The following IGF2BP3 variants were observed in gnomAD, a reference collection of about 807,000 sequenced individuals.
IGF2BP3 encodes the protein insulin-like growth factor 2 mRNA-binding protein 3.
IGF2BP3 carries 9 observed loss-of-function variants against 73.8 expected under a neutral mutation model. That is an observed-to-expected ratio of 0.12 (90% CI 0.07 to 0.21). The LOEUF is 0.21. Among genes scored for constraint, IGF2BP3 ranks in the 10% least tolerant of loss-of-function variants. The pLI is 1.00. For synonymous variants in IGF2BP3, 258 were observed against 256.7 expected (o/e 1.01, Z -0.05); for missense variants, 542 against 714.0 (o/e 0.76, Z 2.75).
intron 3 of IGF2BP3, among the ~76,000 whole-genome samples, chr7:23,374,739 C>T (rs375775203): frequency 6.6e-5 from 10 of 152,090 alleles, no homozygotes; most frequent in African/African-American, 2.4e-4. Context: ...GATTTGATAT[C>T]GGGGGAAATT....
At chr7:23,333,225 T>C (rs1220637429) in intron 10 of IGF2BP3, among the ~76,000 whole-genome samples, 2 of 152,232 alleles carry the variant, frequency 1.3e-5, no homozygotes, top group East Asian at 3.8e-4. Context: ...TCGCAGCTAA[T>C]TTTTTAAAAA....
intron 12 of IGF2BP3, 21 bp from the exon 13 acceptor site, chr7:23,313,674 T>C (rs1266323270): frequency 6.2e-7 from 1 of 1,609,390 alleles, no homozygotes; most frequent in African/African-American, 1.3e-5. Flanking sequence ...AAACACATCC[T>C]ATTAGTGTCA....
chr7:23,418,516 T>G (rs902478008), intron 3 of IGF2BP3, among the ~76,000 whole-genome samples: 1 of 152,342 alleles, frequency 6.6e-6, no homozygotes, highest in South Asian at 2.1e-4. Flanking sequence ...AAAATCCTGT[T>G]GGGAAGTGAC....
At chr7:23,461,137 T>C (rs1024811548) in intron 2 of IGF2BP3, among the ~76,000 whole-genome samples, 4 of 151,940 alleles carry the variant, frequency 2.6e-5, no homozygotes, top group African/African-American at 9.7e-5. Context: ...CTCTCGGTGG[T>C]ATTCTACACA....
At chr7:23,448,376 G>A (rs1413724330) in intron 2 of IGF2BP3, among the ~76,000 whole-genome samples, 1 of 152,110 alleles carries the variant, frequency 6.6e-6, no homozygotes, top group Non-Finnish European at 1.5e-5. Flanking sequence ...CTTGTTTTCA[G>A]CAGTCCTTAA....
intron 2 of IGF2BP3, among the ~76,000 whole-genome samples, chr7:23,421,410 C>T (rs187501482): frequency 4.0e-4 from 61 of 152,060 alleles, no homozygotes; most frequent in Admixed American, 1.7e-3. Context: ...AAGAAAGTTG[C>T]GGCCGGACAC....
chr7:23,427,746 G>A (rs937711505), intron 2 of IGF2BP3, among the ~76,000 whole-genome samples: 11 of 151,902 alleles, frequency 7.2e-5, no homozygotes, highest in African/African-American at 1.9e-4. Context: ...AGTGGCTCAC[G>A]CCTGTAATCC....
At chr7:23,400,084 A>G (rs1380068986) in intron 3 of IGF2BP3, among the ~76,000 whole-genome samples, 7 of 152,208 alleles carry the variant, frequency 4.6e-5, no homozygotes, top group Non-Finnish European at 1.0e-4. Flanking sequence ...AGTACATCTA[A>G]GAGGCACACA....
At chr7:23,317,155 G>C (rs1270666802) in intron 12 of IGF2BP3, among the ~76,000 whole-genome samples, 1 of 152,126 alleles carries the variant, frequency 6.6e-6, no homozygotes, top group East Asian at 1.9e-4. Flanking sequence ...GTTCATACCA[G>C]AACAAATGCT....
At position 23,361,368 on chromosome 7, in the gene IGF2BP3, C is replaced by T. The variant is rs1785223013; in HGVS notation, c.401+166G>A. ...CAACTTTAACCAATGTAGATTTTTACTAGACATTCAAACTTAAAAAGAAAG... is the reference window on the plus strand; with the variant it reads ...CAACTTTAACCAATGTAGATTTTTATTAGACATTCAAACTTAAAAAGAAAG... On this transcript the variant is annotated intron_variant, in intron 5 of 14. Transcript: ENST00000258729. 1.9e-5 allele frequency: 11 copies of T among 572,010 alleles called. No homozygotes were observed. The East Asian group carries it at 3.2e-4, about 17-fold the overall frequency. The allele number at this position is 572,010 out of a possible 1,614,324, so 35.4% of individuals were successfully genotyped here.
intron 2 of IGF2BP3, among the ~76,000 whole-genome samples, chr7:23,457,116 T>C (rs1338901490): frequency 6.6e-6 from 1 of 152,090 alleles, no homozygotes; most frequent in Non-Finnish European, 1.5e-5. Context: ...CAAATTTAAA[T>C]GTCCACATCT....
At chr7:23,345,888 G>A in intron 8 of IGF2BP3, 52 bp downstream of exon 8, 3 of 1,588,052 alleles carry the variant, frequency 1.9e-6, no homozygotes, top group Non-Finnish European at 2.6e-6. Context: ...TACACAACAT[G>A]CAGCTTACAG....
chr7:23,443,274 C>T (rs1310256809), intron 2 of IGF2BP3, among the ~76,000 whole-genome samples: 6 of 151,786 alleles, frequency 4.0e-5, no homozygotes, highest in African/African-American at 1.4e-4. Context: ...TACAGGCATG[C>T]GCCACCACTC....
At chr7:23,406,019 T>C (rs1018315347) in intron 3 of IGF2BP3, among the ~76,000 whole-genome samples, 1 of 151,434 alleles carries the variant, frequency 6.6e-6, no homozygotes, top group East Asian at 1.9e-4. Flanking sequence ...TCAGAACCTC[T>C]GGACGACTGT....
intron 10 of IGF2BP3, among the ~76,000 whole-genome samples, chr7:23,336,271 T>A (rs1784570257): frequency 6.6e-6 from 1 of 152,108 alleles, no homozygotes; most frequent in East Asian, 1.9e-4. Flanking sequence ...AAGCAGAAGT[T>A]CACTGTTAAC....
chr7:23,457,475 ATT>A (rs201647923), intron 2 of IGF2BP3, among the ~76,000 whole-genome samples: 1 of 151,484 alleles, frequency 6.6e-6, no homozygotes, highest in Non-Finnish European at 1.5e-5. Flanking sequence ...AAAAAAAAAA[ATT>A]TTTTTTAAAC....
intron 3 of IGF2BP3, among the ~76,000 whole-genome samples, chr7:23,407,418 G>C (rs893693667): frequency 1.3e-5 from 2 of 151,638 alleles, no homozygotes; most frequent in African/African-American, 2.4e-5. Context: ...AGACCAGCCT[G>C]ACTAACATGG....
chr7:23,465,406 A>C (rs555374285), intron 2 of IGF2BP3, among the ~76,000 whole-genome samples: 14 of 152,280 alleles, frequency 9.2e-5, no homozygotes, highest in African/African-American at 3.1e-4. Flanking sequence ...ATCTTCCCCA[A>C]CTGAGGGGTA....
chr7:23,407,503 G>C (rs920858333), intron 3 of IGF2BP3, among the ~76,000 whole-genome samples: 5 of 151,842 alleles, frequency 3.3e-5, no homozygotes, highest in South Asian at 2.1e-4. Flanking sequence ...CAGCTACCTG[G>C]GAGGCCGAGG....
Sources: gnomAD v4.1 joint callset for allele counts (sites outside exome capture counted in the v4.1 genomes callset) on GRCh38, gnomAD v4.1.1 for gene constraint, MANE v1.5 for transcripts, NCBI Gene and HGNC (gene_info 2026-07-23, HGNC 2026-07-21) for gene names.